FBXL20: variants seen among roughly 807,000 people sequenced by gnomAD.
FBXL20 encodes the protein F-box/LRR-repeat protein 20.
Under a neutral mutation model 64.0 loss-of-function variants are expected in FBXL20, and 11 were observed. That is an observed-to-expected ratio of 0.17 (90% confidence interval 0.11 to 0.28). FBXL20 has a LOEUF of 0.28. FBXL20 is among the 10% of genes least tolerant of loss of function. The pLI is 1.00. For missense variants in FBXL20, 303 were observed against 526.2 expected (o/e 0.58, Z 4.15); for synonymous variants, 184 against 189.0 (o/e 0.97, Z 0.22).
chr17:39,383,062 C>T (rs1195412028), intron 1 of FBXL20, among the ~76,000 whole-genome samples: 3 of 150,422 alleles, frequency 2.0e-5, no homozygotes, highest in Non-Finnish European at 4.4e-5. Context: ...ACTCAGAAGG[C>T]TCAGGTCGGA....
chr17:39,376,542 T>C (rs1567902186), intron 1 of FBXL20, among the ~76,000 whole-genome samples: 1 of 152,128 alleles, frequency 6.6e-6, no homozygotes, highest in Non-Finnish European at 1.5e-5. Context: ...TCACCTCTGG[T>C]TGATCTTGAG....
chr17:39,368,425 G>GA (rs1392515637), intron 1 of FBXL20, among the ~76,000 whole-genome samples: 4 of 152,002 alleles, frequency 2.6e-5, no homozygotes, highest in African/African-American at 7.2e-5. Context: ...GAATGAAAAA[G>GA]AAAGACATTT....
At position 39,322,228 on chromosome 17, in the gene FBXL20, CAT is replaced by C. The variant is rs1201952125; in HGVS notation, c.105-18591_105-18590del. 6.8e-4 allele frequency among the ~76,000 whole-genome samples: 100 copies of C among 147,216 alleles called. 1 individual carries two copies. Among genetic ancestry groups the C allele is most frequent in the South Asian group, 2.2e-4 (1 of 4,648 alleles). On this transcript the variant is annotated intron_variant, in intron 2 of 14. Transcript: ENST00000264658. ...CTTAATTTCAGTTGTTTCATGTGTGCATATGTGTTTTGTGGGGAAATAATTAT... is the reference window on the plus strand; with the variant it reads ...CTTAATTTCAGTTGTTTCATGTGTGCATGTGTTTTGTGGGGAAATAATTAT...
intron 1 of FBXL20, among the ~76,000 whole-genome samples, chr17:39,363,436 T>A (rs1363603366): frequency 2.6e-5 from 4 of 151,956 alleles, no homozygotes; most frequent in Non-Finnish European, 5.9e-5. Context: ...AGATTACAGG[T>A]GTGAGCCACC....
intron 9 of FBXL20, among the ~76,000 whole-genome samples, chr17:39,281,067 C>A (rs539326594): frequency 6.6e-6 from 1 of 152,140 alleles, no homozygotes; most frequent in Admixed American, 6.6e-5. Context: ...CCCAGCTTGA[C>A]TGCAATTTTA....
intron 1 of FBXL20, 143 bp downstream of exon 1, chr17:39,401,218 G>A (rs2048239254): frequency 4.6e-6 from 7 of 1,522,858 alleles, no homozygotes; most frequent in Non-Finnish European, 5.3e-6. Context: ...TGGGTCGCAA[G>A]AAAGGGGAGC....
At chr17:39,348,201 G>A (rs1438970499) in intron 1 of FBXL20, among the ~76,000 whole-genome samples, 3 of 151,694 alleles carry the variant, frequency 2.0e-5, no homozygotes, top group Non-Finnish European at 2.9e-5. Context: ...GGTGGCTCAC[G>A]CCTGTAATCC....
intron 2 of FBXL20, among the ~76,000 whole-genome samples, chr17:39,331,842 A>T (rs1486696462): frequency 2.6e-5 from 4 of 152,198 alleles, no homozygotes; most frequent in African/African-American, 9.7e-5. Context: ...TAATGGTTTG[A>T]ATATTTCTAT....
chr17:39,261,094 C>T lies in FBXL20; in HGVS notation c.*366G>A. ...GGACAGCAGATGCTGTTCTAAAATCCCCAAAGAAACCCCTAGACAAAAATT... is the reference window on the plus strand; with the variant it reads ...GGACAGCAGATGCTGTTCTAAAATCTCCAAAGAAACCCCTAGACAAAAATT... On this transcript the variant is annotated 3_prime_UTR_variant, in exon 15 of 15. Coordinates refer to ENST00000264658, the MANE Select transcript of FBXL20 (RefSeq NM_032875.3). The T allele has an allele frequency of 4.9e-6, 1 of 205,610 alleles. No homozygotes were observed. The highest frequency in any genetic ancestry group is 1.0e-5 in the Non-Finnish European group (1 of 99,164). 12.7% of individuals were successfully genotyped at this position (205,610 alleles called of 1,614,324 possible). A position where few individuals can be genotyped will look rare whatever the true frequency, so the allele number is the denominator to read the frequency against.
At chr17:39,309,736 G>A (rs1418545249) in intron 2 of FBXL20, among the ~76,000 whole-genome samples, 1 of 148,952 alleles carries the variant, frequency 6.7e-6, no homozygotes, top group East Asian at 2.0e-4. Context: ...AGGTTGCAGT[G>A]AGCCGAGATC....
At chr17:39,318,711 G>A (rs1356769620) in intron 2 of FBXL20, among the ~76,000 whole-genome samples, 1 of 152,072 alleles carries the variant, frequency 6.6e-6, no homozygotes, top group Non-Finnish European at 1.5e-5. Context: ...CTGCACTCCA[G>A]CCTGGGCAAC....
chr17:39,401,780 C>A, upstream of FBXL20: 1 of 990,486 alleles, frequency 1.0e-6, no homozygotes, highest in Non-Finnish European at 1.2e-6. Flanking sequence ...CACCCCTCCC[C>A]CACACGGGGC....
intron 1 of FBXL20, among the ~76,000 whole-genome samples, chr17:39,398,584 TTAAA>T (rs369270615): frequency 9.9e-5 from 15 of 152,152 alleles, no homozygotes; most frequent in African/African-American, 3.1e-4. Context: ...TCTTGATCTC[TTAAA>T]TAGAGATTCT....
chr17:39,379,694 C>T (rs921067984), intron 1 of FBXL20, among the ~76,000 whole-genome samples: 5 of 152,108 alleles, frequency 3.3e-5, no homozygotes, highest in Non-Finnish European at 7.4e-5. Context: ...GTGGAAGGAT[C>T]CCTTGAGCCT....
chr17:39,297,580 T>C (rs1226436310), intron 5 of FBXL20: 2 of 159,896 alleles, frequency 1.3e-5, no homozygotes, highest in Admixed American at 6.2e-5. Context: ...GGTTGGTGAA[T>C]GTAACCACGT....
At chr17:39,291,423 A>T (rs1378307773) in intron 6 of FBXL20, among the ~76,000 whole-genome samples, 1 of 147,836 alleles carries the variant, frequency 6.8e-6, no homozygotes, top group African/African-American at 2.5e-5. Context: ...CTTGATTTTA[A>T]AACTTTTCTT....
At chr17:39,316,188 T>C (rs1027609114) in intron 2 of FBXL20, among the ~76,000 whole-genome samples, 17 of 152,094 alleles carry the variant, frequency 1.1e-4, no homozygotes, top group African/African-American at 3.6e-4. Context: ...CAGTGTTGGA[T>C]TGGAATTGGA....
chr17:39,311,022 G>A (rs887077029), intron 2 of FBXL20, among the ~76,000 whole-genome samples: 3 of 151,188 alleles, frequency 2.0e-5, no homozygotes, highest in Non-Finnish European at 3.0e-5. Context: ...AATCAGCTGC[G>A]CATGGTGGTA....
chr17:39,354,420 T>A lies in FBXL20; in HGVS notation c.43-11179A>T, dbSNP rs116001611. 6.3e-3 allele frequency among the ~76,000 whole-genome samples: 959 copies of A among 152,314 alleles called. 16 individuals carry two copies. The highest frequency in any genetic ancestry group is 0.022 in the African/African-American group (917 of 41,564). On this transcript the variant is annotated intron_variant, in intron 1 of 14. Coordinates refer to ENST00000264658, the MANE Select transcript of FBXL20 (RefSeq NM_032875.3). The stretch of plus-strand genomic sequence containing the variant: ...CCATGTCCTTCTCAATCTCGTTAAC[T>A]GGATGTGACTGTTCCTTCTCCTATG...
Sources: gnomAD v4.1 joint callset for allele counts (sites outside exome capture counted in the v4.1 genomes callset) on GRCh38, gnomAD v4.1.1 for gene constraint, MANE v1.5 for transcripts, NCBI Gene and HGNC (gene_info 2026-07-23, HGNC 2026-07-21) for gene names.